ATP8B4: variants seen among roughly 807,000 people sequenced by gnomAD.
ATP8B4 encodes the protein ATPase phospholipid transporting 8B4 (putative), also known as probable phospholipid-transporting ATPase IM.
In ATP8B4, 133 loss-of-function variants were observed where a neutral mutation model predicts 145.6. The observed-to-expected ratio is 0.91, with a 90% CI of 0.79 to 1.05. The LOEUF (loss-of-function observed/expected upper bound fraction) is 1.05. Among genes scored for constraint, ATP8B4 ranks in the 50% least tolerant of loss-of-function variants. ATP8B4 has a pLI of 0.00. For missense variants in ATP8B4, 1,458 were observed against 1,425.2 expected (o/e 1.02, Z -0.37); for synonymous variants, 507 against 492.9 (o/e 1.03, Z -0.38).
At chr15:49,926,233 T>C (rs541369250) in intron 16 of ATP8B4, among the ~76,000 whole-genome samples, 1 of 152,264 alleles carries the variant, frequency 6.6e-6, no homozygotes, top group South Asian at 2.1e-4. Flanking sequence ...AAACTCATAC[T>C]GGACATATTA....
chr15:49,931,843 T>C (rs2041287502), intron 15 of ATP8B4, among the ~76,000 whole-genome samples: 1 of 151,946 alleles, frequency 6.6e-6, no homozygotes. Context: ...AATGACCATT[T>C]TATGAGAATG....
chr15:49,973,732 A>G (rs2045395606), intron 12 of ATP8B4, among the ~76,000 whole-genome samples: 1 of 152,138 alleles, frequency 6.6e-6, no homozygotes, highest in Non-Finnish European at 1.5e-5. Context: ...AAGTGTATGA[A>G]CTCTCTCAAT....
At position 49,927,089 on chromosome 15, in the gene ATP8B4, G is replaced by A. The variant is rs894414475; in HGVS notation, c.1643-3595C>T. Among the ~76,000 whole-genome samples the A allele has an allele frequency of 9.2e-5, 14 of 152,012 alleles. No homozygotes were observed. The Middle Eastern group carries it at 9.5e-3, about 103-fold the overall frequency. On this transcript the variant is annotated intron_variant, in intron 16 of 27. Transcript: ENST00000284509. ...TTTTATCTCTGTATTTCTATTTACA[G>A]AATTAGTAGAATTGGTCCTTCCAAA... is the stretch of plus-strand genomic sequence containing the variant.
At position 50,073,015 on chromosome 15, in the gene ATP8B4, TATATACACACACACACACAC is replaced by T. The variant is rs1327856911; in HGVS notation, c.87+1092_87+1111del. Among the ~76,000 whole-genome samples the T allele has an allele frequency of 1.1e-3, 38 of 35,878 alleles. No homozygotes were observed. In the East Asian group the frequency reaches 0.02, roughly 19 times the overall value. The allele number at this position is 35,878 out of a possible 152,430, so 23.5% of individuals were successfully genotyped here. A position where few individuals can be genotyped will look rare whatever the true frequency, so the allele number is the denominator to read the frequency against. On this transcript the variant is annotated intron_variant, in intron 3 of 27. Transcript: ENST00000284509. ...ATATATATATATATATATATATATA[TATATACACACACACACACAC>T]ACACACACACACACACACTATACAT...
chr15:49,941,537 T>G (rs1292983043), intron 14 of ATP8B4, among the ~76,000 whole-genome samples: 1 of 152,048 alleles, frequency 6.6e-6, no homozygotes, highest in African/African-American at 2.4e-5. Context: ...CCTACAATAA[T>G]GAATAATTTA....
At chr15:50,010,414 CAT>C (rs2048642681) in intron 7 of ATP8B4, among the ~76,000 whole-genome samples, 1 of 151,802 alleles carries the variant, frequency 6.6e-6, no homozygotes, top group African/African-American at 2.4e-5. Flanking sequence ...AAGGAAGAAA[CAT>C]ATCTTTTCTC....
chr15:50,029,000 C>G (rs185115132), intron 6 of ATP8B4, among the ~76,000 whole-genome samples: 22 of 151,872 alleles, frequency 1.4e-4, no homozygotes, highest in African/African-American at 5.3e-4. Context: ...TTTGGGAGGC[C>G]GAGGCAGGCG....
chr15:50,032,850 T>G (rs1342609744), intron 6 of ATP8B4, among the ~76,000 whole-genome samples: 1 of 152,184 alleles, frequency 6.6e-6, no homozygotes, highest in East Asian at 1.9e-4. Context: ...TAACAATAAT[T>G]ACTTTGGATA....
intron 6 of ATP8B4, among the ~76,000 whole-genome samples, chr15:50,027,731 G>A (rs755619929): frequency 6.6e-6 from 1 of 152,192 alleles, no homozygotes; most frequent in Admixed American, 6.5e-5. Flanking sequence ...CTAAGCTTAT[G>A]GAAAATGTAC....
intron 14 of ATP8B4, among the ~76,000 whole-genome samples, chr15:49,961,099 C>T (rs531730675): frequency 3.0e-4 from 46 of 151,288 alleles, no homozygotes; most frequent in African/African-American, 1.1e-3. Flanking sequence ...CGCCACTGCG[C>T]TCCAGCCTGG....
At position 49,979,771 on chromosome 15, in the gene ATP8B4, C is replaced by A. The variant is rs1475449517; in HGVS notation, c.880G>T (p.Gly294Ter). 1 of 1,607,518 alleles carries A rather than the reference C, an allele frequency of 6.2e-7. No homozygotes were observed. Among genetic ancestry groups the A allele is most frequent in the Non-Finnish European group, 8.5e-7 (1 of 1,176,168 alleles). Reference sequence around the variant, plus strand: ...GTTTGACTCTCCCAGATTGAATTTCCTATTGCAAGAATAATTCCCAAGCAT... The same window carrying A: ...GTTTGACTCTCCCAGATTGAATTTCATATTGCAAGAATAATTCCCAAGCAT... ...LICLGIILAI[G>*]NSIWESQTGD... The change falls in exon 12 of 28, where the codon GGA becomes TGA. Residue 294 changes from glycine to a stop codon, truncating the protein, a stop_gained. Transcript: ENST00000284509. LOFTEE classifies it high-confidence loss of function.
chr15:49,916,011 G>GGTTA (rs1468517840), intron 20 of ATP8B4, among the ~76,000 whole-genome samples: 1 of 150,670 alleles, frequency 6.6e-6, no homozygotes, highest in Non-Finnish European at 1.5e-5. Flanking sequence ...ATTGAAGGAA[G>GGTTA]GTTAGCTCCC....
intron 1 of ATP8B4, among the ~76,000 whole-genome samples, chr15:50,172,616 G>T (rs1003468846): frequency 6.6e-6 from 1 of 152,166 alleles, no homozygotes; most frequent in South Asian, 2.1e-4. Context: ...CGTCTGGGAT[G>T]TGAGGAGCCC....
chr15:50,179,906 C>A (rs749175522), intron 1 of ATP8B4, among the ~76,000 whole-genome samples: 9 of 152,190 alleles, frequency 5.9e-5, no homozygotes, highest in Non-Finnish European at 1.2e-4. Context: ...CATCTATTAA[C>A]CTCGTGATAA....
In ATP8B4 at chr15:49,938,501, A is replaced by T. The variant is rs76279599; in HGVS notation, c.1288-4319T>A. 3.8e-3 allele frequency among the ~76,000 whole-genome samples: 575 copies of T among 152,256 alleles called. 7 individuals are homozygous for T. Among genetic ancestry groups the T allele is most frequent in the African/African-American group, 0.013 (559 of 41,558 alleles). Reference sequence around the variant, plus strand: ...CACACTGTAAACCAATAACAGTAAAAAAACAAAGAAGGGCATTACCTAATG... The same window carrying T: ...CACACTGTAAACCAATAACAGTAAATAAACAAAGAAGGGCATTACCTAATG... On this transcript the variant is annotated intron_variant, in intron 14 of 27. Transcript: ENST00000284509.
chr15:50,074,255 C>A, intron 2 of ATP8B4, 70 bp from the exon 3 acceptor site: 5 of 1,355,762 alleles, frequency 3.7e-6, no homozygotes, highest in Admixed American at 1.9e-5. Context: ...ATTAAAACAA[C>A]AAGACTTAGG....
chr15:50,134,882 A>T (rs2044100955), intron 1 of ATP8B4, among the ~76,000 whole-genome samples: 1 of 152,246 alleles, frequency 6.6e-6, no homozygotes, highest in Non-Finnish European at 1.5e-5. Flanking sequence ...TGAGTTCTGC[A>T]TACCAATGCT....
At chr15:50,016,589 G>C (rs753066384) in intron 6 of ATP8B4, among the ~76,000 whole-genome samples, 1 of 152,100 alleles carries the variant, frequency 6.6e-6, no homozygotes, top group Non-Finnish European at 1.5e-5. Context: ...AGACCACGGA[G>C]AGCTCTGGAG....
intron 20 of ATP8B4, among the ~76,000 whole-genome samples, chr15:49,908,333 A>C (rs2038849176): frequency 6.6e-6 from 1 of 152,230 alleles, no homozygotes; most frequent in African/African-American, 2.4e-5. Flanking sequence ...AGAGTAGATA[A>C]TCATACTTCA....
Sources: allele counts gnomAD v4.1 joint callset (sites outside exome capture counted in the v4.1 genomes callset), GRCh38; gene constraint gnomAD v4.1.1; transcripts MANE v1.5; gene names NCBI Gene and HGNC (gene_info 2026-07-23, HGNC 2026-07-21).